KCNQ3: variants seen among roughly 807,000 people sequenced by gnomAD.
KCNQ3 encodes potassium voltage-gated channel subfamily Q member 3, also known as potassium voltage-gated channel subfamily KQT member 3.
In KCNQ3, 30 loss-of-function variants were observed where a neutral mutation model predicts 92.5. That is an observed-to-expected ratio of 0.32 (90% confidence interval 0.24 to 0.44). The LOEUF (loss-of-function observed/expected upper bound fraction) is 0.44. KCNQ3 is among the 20% of genes least tolerant of loss of function. The probability of loss-of-function intolerance (pLI) is 1.00; values close to 1 mark genes in which losing one functional copy is unlikely to be tolerated. For synonymous variants in KCNQ3, 450 were observed against 468.8 expected (o/e 0.96, Z 0.52); for missense variants, 913 against 1,140.3 (o/e 0.80, Z 2.87).
intron 1 of KCNQ3, among the ~76,000 whole-genome samples, chr8:132,355,442 G>C (rs1032148689): frequency 4.6e-5 from 7 of 152,052 alleles, no homozygotes; most frequent in African/African-American, 1.7e-4. Context: ...GAGCCAATCA[G>C]AATAGTTCAC....
intron 1 of KCNQ3, among the ~76,000 whole-genome samples, chr8:132,310,317 C>A (rs1586916495): frequency 6.6e-6 from 1 of 152,202 alleles, no homozygotes; most frequent in Admixed American, 6.5e-5. Flanking sequence ...CTCCATGTAA[C>A]ATAAAGATCC....
At chr8:132,201,936 C>G (rs1827473934) in intron 1 of KCNQ3, among the ~76,000 whole-genome samples, 1 of 152,194 alleles carries the variant, frequency 6.6e-6, no homozygotes, top group Non-Finnish European at 1.5e-5. Context: ...GTGGAGGTCC[C>G]CATGCCCCCA....
At chr8:132,270,987 T>A (rs1816130471) in intron 1 of KCNQ3, among the ~76,000 whole-genome samples, 1 of 152,184 alleles carries the variant, frequency 6.6e-6, no homozygotes, top group Non-Finnish European at 1.5e-5. Flanking sequence ...TTCATGAGCC[T>A]CTTAGTGACT....
intron 1 of KCNQ3, among the ~76,000 whole-genome samples, chr8:132,196,563 A>C (rs62519632): frequency 0.12 from 17,897 of 152,224 alleles, 1,977 homozygotes; most frequent in African/African-American, 0.29. Context: ...GATCACAGTG[A>C]CCAACCCAAA....
At position 132,350,716 on chromosome 8, in the gene KCNQ3, C is replaced by T. The variant is rs1169179813; in HGVS notation, c.386+129431G>A. ...GCATCTAGGGTGGTCAGTCAGCATT[C>T]CTCACGCACGTGAGTCTTAGACAAA... On this transcript the variant is annotated intron_variant, in intron 1 of 14. Coordinates refer to ENST00000388996, the MANE Select transcript of KCNQ3 (RefSeq NM_004519.4). Among the ~76,000 whole-genome samples the T allele has an allele frequency of 2.0e-5, 3 of 152,176 alleles. No individual in the cohort carries two copies. In the East Asian group the frequency reaches 5.8e-4, roughly 29 times the overall value.
intron 1 of KCNQ3, among the ~76,000 whole-genome samples, chr8:132,463,010 A>T (rs951443782): frequency 3.9e-5 from 6 of 152,164 alleles, no homozygotes; most frequent in Non-Finnish European, 7.3e-5. Context: ...CAATGTTAGC[A>T]TTCCGGGAAG....
At chr8:132,307,745 G>GA (rs1445886794) in intron 1 of KCNQ3, among the ~76,000 whole-genome samples, 2 of 152,150 alleles carry the variant, frequency 1.3e-5, no homozygotes, top group African/African-American at 4.8e-5. Flanking sequence ...AAATGCAAAA[G>GA]AAAAAACAGA....
intron 1 of KCNQ3, among the ~76,000 whole-genome samples, chr8:132,191,664 C>A (rs1174331124): frequency 6.7e-6 from 1 of 150,062 alleles, no homozygotes; most frequent in Admixed American, 6.7e-5. Context: ...ATCTCCATAT[C>A]TCTGTCTCTA....
chr8:132,279,858 G>A (rs1224022844), intron 1 of KCNQ3, among the ~76,000 whole-genome samples: 1 of 151,898 alleles, frequency 6.6e-6, no homozygotes, highest in African/African-American at 2.4e-5. Flanking sequence ...ATATGCGTGT[G>A]TGTGTGTGTG....
intron 1 of KCNQ3, among the ~76,000 whole-genome samples, chr8:132,306,717 C>T (rs76433931): frequency 0.01 from 1,538 of 152,238 alleles, 15 homozygotes; most frequent in Non-Finnish European, 0.015. Flanking sequence ...AAGGATGTAG[C>T]GGTAAACTTA....
At chr8:132,432,330 G>A (rs74843351) in intron 1 of KCNQ3, among the ~76,000 whole-genome samples, 2,644 of 150,076 alleles carry the variant, frequency 0.018, 75 homozygotes, top group African/African-American at 0.061. Flanking sequence ...AGACATCTAG[G>A]GCCTAAGGCA....
intron 1 of KCNQ3, among the ~76,000 whole-genome samples, chr8:132,411,864 G>A (rs574462812): frequency 1.1e-4 from 16 of 152,302 alleles, no homozygotes; most frequent in African/African-American, 2.9e-4. Flanking sequence ...GCTCCCAAGC[G>A]TGGGTTGAAA....
chr8:132,462,554 T>C (rs1043707992), intron 1 of KCNQ3, among the ~76,000 whole-genome samples: 2 of 152,210 alleles, frequency 1.3e-5, no homozygotes, highest in Non-Finnish European at 2.9e-5. Context: ...TTTTTACAAA[T>C]GACAAGAAAA....
At chr8:132,451,135 C>T (rs1821809646) in intron 1 of KCNQ3, among the ~76,000 whole-genome samples, 1 of 152,144 alleles carries the variant, frequency 6.6e-6, no homozygotes, top group South Asian at 2.1e-4. Flanking sequence ...TTATCTTGTG[C>T]TTTCTCATGA....
intron 1 of KCNQ3, among the ~76,000 whole-genome samples, chr8:132,227,243 G>A (rs1258867238): frequency 6.6e-6 from 1 of 151,936 alleles, no homozygotes; most frequent in Non-Finnish European, 1.5e-5. Flanking sequence ...TGTACTTTTA[G>A]TAGAGACGGG....
Position 132,134,299 on chromosome 8 carries a change from T to A in KCNQ3, c.1790A>T (p.Gln597Leu). ...KGSAFTFPSQ[Q>L]SPRNEPYVAR... ...TGTCCACTGGCCCCACCTGGGAGAT[T>A]GCTGGGATGGGAAGGTGAATGCTGA... Residue 597 changes from glutamine to leucine, a missense_variant, in exon 13 of 15, where the codon CAA becomes CTA. By Grantham distance (113) the Gln-to-Leu change is moderately radical. Transcript: ENST00000388996. 2 of 1,613,264 alleles carry A rather than the reference T, an allele frequency of 1.2e-6. No homozygotes were observed. The highest frequency in any genetic ancestry group is 1.7e-6 in the Non-Finnish European group (2 of 1,179,454).
chr8:132,419,012 T>G (rs1820894790), intron 1 of KCNQ3, among the ~76,000 whole-genome samples: 1 of 152,072 alleles, frequency 6.6e-6, no homozygotes, highest in Non-Finnish European at 1.5e-5. Context: ...GCACCTACCA[T>G]AAGATACACA....
At chr8:132,306,706 G>A (rs1352373046) in intron 1 of KCNQ3, among the ~76,000 whole-genome samples, 2 of 152,338 alleles carry the variant, frequency 1.3e-5, no homozygotes, top group South Asian at 2.1e-4. Context: ...AATCTTCCTC[G>A]AAGGATGTAG....
intron 8 of KCNQ3, among the ~76,000 whole-genome samples, chr8:132,168,043 T>C (rs929741173): frequency 6.6e-6 from 1 of 152,242 alleles, no homozygotes; most frequent in Non-Finnish European, 1.5e-5. Context: ...GTAAGTCTAG[T>C]TACAAGTAAG....
Sources: gnomAD v4.1 joint callset for allele counts (sites outside exome capture counted in the v4.1 genomes callset) on GRCh38, gnomAD v4.1.1 for gene constraint, MANE v1.5 for transcripts, NCBI Gene and HGNC (gene_info 2026-07-23, HGNC 2026-07-21) for gene names.